BUB1: variants seen among roughly 807,000 people sequenced by gnomAD.
The protein encoded by BUB1 is mitotic checkpoint serine/threonine-protein kinase BUB1.
BUB1 carries 84 observed loss-of-function variants against 135.2 expected under a neutral mutation model. The ratio of observed to expected loss-of-function variants is 0.62; its 90% CI spans 0.52 to 0.74. The LOEUF (loss-of-function observed/expected upper bound fraction) is 0.74, where lower values mean the gene tolerates loss of function less well. Ranked by LOEUF, BUB1 falls within the 30% of genes least tolerant of loss-of-function variation. The probability of loss-of-function intolerance (pLI) is 0.00; values close to 1 mark genes in which losing one functional copy is unlikely to be tolerated. For synonymous variants in BUB1, 403 were observed against 434.4 expected, an observed-to-expected ratio of 0.93 and a Z score of 0.90; for missense variants, 1,162 against 1,288.3, an observed-to-expected ratio of 0.90 and a Z score of 1.50.
At chr2:110,662,591 A>T (rs1333357974) in intron 9 of BUB1, among the ~76,000 whole-genome samples, 1 of 152,206 alleles carries the variant, frequency 6.6e-6, no homozygotes. Flanking sequence ...CTTGAGCTCA[A>T]GAGTTTGAGA....
chr2:110,640,058 C>A, intron 23 of BUB1: 1 of 642,748 alleles, frequency 1.6e-6, no homozygotes, highest in Admixed American at 2.1e-5. Context: ...AAAGCTCTGC[C>A]CTCCTGAGCT....
intron 19 of BUB1, chr2:110,642,611 T>G (rs2104516097): frequency 6.5e-6 from 1 of 153,778 alleles, no homozygotes; most frequent in South Asian, 2.1e-4. Context: ...GCCCTCAAAT[T>G]GGGTTTGTTT....
intron 5 of BUB1, among the ~76,000 whole-genome samples, 168 bp downstream of exon 5, chr2:110,670,357 C>T (rs1190066902): frequency 6.6e-6 from 1 of 151,950 alleles, no homozygotes; most frequent in Non-Finnish European, 1.5e-5. Flanking sequence ...AGGCTGGTCT[C>T]GAACTCCTGA....
Position 110,641,762 on chromosome 2 carries a change from G to A in BUB1, c.2505C>T (p.Thr835=). Reference sequence around the variant, plus strand: ...ATGGCTTTAGTCTTTCCATCAACTGGGTCCCAATGTAGAATTCCCAGGGGT... The same window carrying A: ...ATGGCTTTAGTCTTTCCATCAACTGAGTCCCAATGTAGAATTCCCAGGGGT... ...PANPWEFYIG[T]QLMERLKPSM... The change falls in exon 21 of 25, where the codon ACC becomes ACT. Residue 835 remains threonine (T), a synonymous_variant. Transcript: ENST00000302759. 6.2e-7 allele frequency: 1 copy of A among 1,609,446 alleles called. No homozygotes were observed. The highest frequency in any genetic ancestry group is 2.2e-5 in the East Asian group (1 of 44,876).
chr2:110,666,532 T>C, intron 8 of BUB1, 118 bp from the exon 9 acceptor site: 1 of 781,016 alleles, frequency 1.3e-6, no homozygotes. Flanking sequence ...TTAGTCTTTC[T>C]CATATTTGGT....
At chr2:110,651,158 C>G (rs1689775438) in intron 17 of BUB1, among the ~76,000 whole-genome samples, 1 of 151,998 alleles carries the variant, frequency 6.6e-6, no homozygotes, top group Non-Finnish European at 1.5e-5. Context: ...TTGAAACAAA[C>G]AGAAAATGTC....
At chr2:110,672,979 A>T in intron 3 of BUB1, 122 bp from the exon 4 acceptor site, 1 of 966,000 alleles carries the variant, frequency 1.0e-6, no homozygotes, top group South Asian at 2.1e-5. Flanking sequence ...GGTCATCAGC[A>T]AAACCAAGGC....
intron 3 of BUB1, among the ~76,000 whole-genome samples, chr2:110,673,128 C>G (rs76479037): frequency 1.3e-5 from 2 of 152,156 alleles, no homozygotes; most frequent in African/African-American, 4.8e-5. Context: ...AAACCCAAAA[C>G]GATAGAGCTT....
At chr2:110,666,123 G>A (rs1394635575) in intron 9 of BUB1, 140 bp downstream of exon 9, 1 of 849,288 alleles carries the variant, frequency 1.2e-6, no homozygotes, top group Non-Finnish European at 1.6e-6. Flanking sequence ...GAACGTCTAT[G>A]TCAAATTATT....
At chr2:110,670,314 T>A (rs1690387048) in intron 5 of BUB1, among the ~76,000 whole-genome samples, 1 of 151,792 alleles carries the variant, frequency 6.6e-6, no homozygotes, top group African/African-American at 2.4e-5. Context: ...AATTTTTGTA[T>A]TTTAGTAGAG....
chr2:110,649,098 G>C, intron 19 of BUB1, 136 bp downstream of exon 19: 1 of 757,416 alleles, frequency 1.3e-6, no homozygotes, highest in Non-Finnish European at 2.1e-6. Flanking sequence ...GATCAGTTTA[G>C]TATTACAGAT....
At chr2:110,654,081 A>C (rs1022140407) in intron 16 of BUB1, among the ~76,000 whole-genome samples, 1 of 152,136 alleles carries the variant, frequency 6.6e-6, no homozygotes, top group Non-Finnish European at 1.5e-5. Context: ...AAAGGGGTCG[A>C]GAGAGTGGCA....
intron 14 of BUB1, among the ~76,000 whole-genome samples, 190 bp from the exon 15 acceptor site, chr2:110,657,307 C>T (rs1239293748): frequency 6.6e-6 from 1 of 151,998 alleles, no homozygotes; most frequent in Non-Finnish European, 1.5e-5. Context: ...AAAAGTAGAC[C>T]TATCATTACT....
chr2:110,672,666 T>C lies in BUB1; in HGVS notation c.417A>G (p.Gln139=), dbSNP rs1690452822. The C allele has an allele frequency of 1.3e-6, 2 of 1,586,058 alleles. No individual in the cohort carries two copies. Among genetic ancestry groups the C allele is most frequent in the Middle Eastern group, 1.7e-4 (1 of 5,920 alleles). Residue 139 remains glutamine (Q), a synonymous_variant, in exon 4 of 25, where the codon CAA becomes CAG. Coordinates refer to ENST00000302759, the MANE Select transcript of BUB1 (RefSeq NM_004336.5). ...GAGTTTGACTTTGTAACTACCTGTA[T>C]TGTTGTTGCAGGAACTCTCTGGGTT... The part of the protein sequence containing the change: ...QAEPREFLQQ[Q]YRLFQTRLTE...
rs772107722 is a variant in BUB1 at position 110,674,138 on chromosome 2, T to C, written c.173A>G (p.Asp58Gly). 6.4e-7 allele frequency: 1 copy of C among 1,571,936 alleles called. No homozygotes were observed. Among genetic ancestry groups the C allele is most frequent in the Non-Finnish European group, 8.8e-7 (1 of 1,142,614 alleles). The change falls in exon 3 of 25, where the codon GAT (aspartate) becomes GGT (glycine). Residue 58 changes from aspartate to glycine, a missense_variant. By Grantham distance (94) the Asp-to-Gly change is moderately conservative (BLOSUM62 -1). Coordinates refer to ENST00000302759, the MANE Select transcript of BUB1 (RefSeq NM_004336.5). ...LLEHLMKEFL[D>G]KKKYHNDPRF... ...TGGGTCATTGTGGTATTTCTTCTTA[T>C]CTAAAAATTCCTTCATTAAATGTTC...
chr2:110,672,943 C>A, intron 3 of BUB1, 86 bp from the exon 4 acceptor site: 1 of 1,357,238 alleles, frequency 7.4e-7, no homozygotes. Flanking sequence ...AAGCTGGGAG[C>A]CCCTAGGTAG....
intron 18 of BUB1, among the ~76,000 whole-genome samples, chr2:110,649,710 T>C (rs1689730879): frequency 6.6e-6 from 1 of 152,208 alleles, no homozygotes; most frequent in Non-Finnish European, 1.5e-5. Context: ...TAAGGGCAGA[T>C]GTGGACATTA....
rs760559629 is a variant in BUB1, at chr2:110,670,567, A to G, written c.424T>C (p.Leu142=). 8.1e-6 allele frequency: 13 copies of G among 1,614,036 alleles called. No individual in the cohort carries two copies. The South Asian group carries it at 1.4e-4, about 18-fold the overall frequency. Reference sequence around the variant, plus strand: ...GTTTCAGTGAGGCGTGTCTGAAATAACCTAAATGACAGCAGAAAAGGCATC... The same window carrying G: ...GTTTCAGTGAGGCGTGTCTGAAATAGCCTAAATGACAGCAGAAAAGGCATC... ...PREFLQQQYR[L]FQTRLTETHL... The change falls in exon 5 of 25, where the codon TTA becomes CTA. Residue 142 remains leucine, a splice_region_variant and synonymous_variant. Transcript: ENST00000302759.
intron 16 of BUB1, among the ~76,000 whole-genome samples, chr2:110,654,185 A>G (rs1212481214): frequency 3.9e-5 from 6 of 152,194 alleles, no homozygotes; most frequent in Admixed American, 6.5e-5. Flanking sequence ...AGACAAGAAC[A>G]TGGAGAGTAA....
Sources: gnomAD v4.1 joint callset for allele counts (sites outside exome capture counted in the v4.1 genomes callset) on GRCh38, gnomAD v4.1.1 for gene constraint, MANE v1.5 for transcripts, NCBI Gene and HGNC (gene_info 2026-07-23, HGNC 2026-07-21) for gene names.